ME3: variants seen among roughly 807,000 people sequenced by gnomAD.
The protein encoded by ME3 is malic enzyme 3.
In ME3, 48 loss-of-function variants were observed where a neutral mutation model predicts 68.9. The observed-to-expected ratio is 0.70, with a 90% CI of 0.55 to 0.89. The LOEUF (loss-of-function observed/expected upper bound fraction) is 0.89, where lower values mean the gene tolerates loss of function less well. Ranked by LOEUF, ME3 falls within the 40% of genes least tolerant of loss-of-function variation. The pLI is 0.00. For synonymous variants in ME3, 320 were observed against 318.8 expected (o/e 1.00, Z -0.04); for missense variants, 675 against 797.4 (o/e 0.85, Z 1.85).
intron 2 of ME3, among the ~76,000 whole-genome samples, chr11:86,612,889 G>A (rs534377613): frequency 5.1e-4 from 77 of 152,172 alleles, no homozygotes; most frequent in African/African-American, 1.8e-3. Flanking sequence ...AGTTTCTTTT[G>A]CTGTGCAGAA....
intron 13 of ME3, among the ~76,000 whole-genome samples, chr11:86,443,929 C>G (rs1949144980): frequency 1.3e-5 from 2 of 151,862 alleles, no homozygotes; most frequent in Non-Finnish European, 2.9e-5. Context: ...CACTTCATCA[C>G]TGGGCCCTCC....
At chr11:86,590,093 C>T (rs1233319986) in intron 2 of ME3, among the ~76,000 whole-genome samples, 1 of 152,170 alleles carries the variant, frequency 6.6e-6, no homozygotes, top group Non-Finnish European at 1.5e-5. Flanking sequence ...AGGACTAAAG[C>T]GTTGCCACAG....
At chr11:86,581,274 T>C (rs1419298490) in intron 2 of ME3, among the ~76,000 whole-genome samples, 6 of 152,196 alleles carry the variant, frequency 3.9e-5, no homozygotes, top group Non-Finnish European at 7.3e-5. Flanking sequence ...TGTACTAGCT[T>C]GTGGTATAAA....
intron 2 of ME3, among the ~76,000 whole-genome samples, chr11:86,625,495 T>C (rs904409166): frequency 3.9e-5 from 6 of 152,170 alleles, no homozygotes; most frequent in Non-Finnish European, 5.9e-5. Flanking sequence ...GAATATGGGC[T>C]CTGGAGTCAA....
chr11:86,523,448 A>G (rs573098715), intron 4 of ME3, among the ~76,000 whole-genome samples: 75 of 152,348 alleles, frequency 4.9e-4, no homozygotes, highest in African/African-American at 1.8e-3. Context: ...ACTAAGCCCT[A>G]TAGAAGACAG....
chr11:86,535,704 C>T (rs511884), intron 4 of ME3, among the ~76,000 whole-genome samples: 2 of 152,162 alleles, frequency 1.3e-5, no homozygotes, highest in Admixed American at 1.3e-4. Context: ...GGAATTTTTA[C>T]ACTTTTTACA....
chr11:86,523,626 G>A (rs1954498904), intron 4 of ME3, among the ~76,000 whole-genome samples: 2 of 152,102 alleles, frequency 1.3e-5, no homozygotes, highest in Admixed American at 1.3e-4. Flanking sequence ...AGAGTTGAAA[G>A]AGTTTCTCCA....
At chr11:86,511,005 T>C (rs12276356) in intron 4 of ME3, among the ~76,000 whole-genome samples, 2,727 of 152,324 alleles carry the variant, frequency 0.018, 90 homozygotes, top group African/African-American at 0.062. Flanking sequence ...GAAATCATCC[T>C]TGATGGTCTC....
At chr11:86,621,925 C>T (rs1296961360) in intron 2 of ME3, among the ~76,000 whole-genome samples, 2 of 151,844 alleles carry the variant, frequency 1.3e-5, no homozygotes, top group South Asian at 2.1e-4. Context: ...ATTTTTAGAG[C>T]TTACAGGAGC....
chr11:86,633,964 A>G (rs1944174242), intron 2 of ME3, among the ~76,000 whole-genome samples: 1 of 152,198 alleles, frequency 6.6e-6, no homozygotes, highest in African/African-American at 2.4e-5. Flanking sequence ...TTTGGAGTCC[A>G]GATAGGAGGA....
chr11:86,632,749 G>A (rs947552134), intron 2 of ME3, among the ~76,000 whole-genome samples: 3 of 152,182 alleles, frequency 2.0e-5, no homozygotes, highest in Non-Finnish European at 4.4e-5. Context: ...GTGGGCCCAG[G>A]TGCAGTGAGT....
intron 4 of ME3, among the ~76,000 whole-genome samples, chr11:86,535,094 T>G (rs1351029548): frequency 1.3e-5 from 2 of 152,176 alleles, no homozygotes; most frequent in Admixed American, 6.5e-5. Context: ...CATTTACCTA[T>G]TTATCTTAAT....
At chr11:86,586,904 C>G (rs998195117) in intron 2 of ME3, among the ~76,000 whole-genome samples, 1 of 151,982 alleles carries the variant, frequency 6.6e-6, no homozygotes, top group Admixed American at 6.5e-5. Context: ...TTGGATAGAA[C>G]TTGTGAAAAG....
At position 86,635,045 on chromosome 11, in the gene ME3, CT is replaced by C. The variant is rs1944247816; in HGVS notation, c.183+36716del. The stretch of plus-strand genomic sequence containing the variant: ...ACAGGCTAGACACGCTGGTTCACAC[CT>C]GTAATCCCAGAACTTTGGGAGGCCA... On this transcript the variant is annotated intron_variant, in intron 2 of 14. Coordinates refer to ENST00000543262, the Ensembl canonical transcript of ME3. Among the ~76,000 whole-genome samples the C allele has an allele frequency of 2.6e-5, 4 of 152,312 alleles. No individual in the cohort carries two copies. In the East Asian group the frequency reaches 7.7e-4, roughly 29 times the overall value.
At chr11:86,587,975 T>C (rs1958838982) in intron 2 of ME3, among the ~76,000 whole-genome samples, 1 of 152,256 alleles carries the variant, frequency 6.6e-6, no homozygotes, top group African/African-American at 2.4e-5. Context: ...CTCAACTTCT[T>C]AGAACCTCAA....
intron 4 of ME3, among the ~76,000 whole-genome samples, chr11:86,531,990 ACC>A (rs113349122): frequency 0.07 from 10,331 of 147,856 alleles, 491 homozygotes; most frequent in East Asian, 0.25. Context: ...AAAAAACCAA[ACC>A]AAAAAAAAAC....
chr11:86,669,530 A>G (rs1447322047), intron 2 of ME3, among the ~76,000 whole-genome samples: 1 of 152,198 alleles, frequency 6.6e-6, no homozygotes, highest in Non-Finnish European at 1.5e-5. Flanking sequence ...GAGCGCTAGC[A>G]GGGGAAATGT....
At chr11:86,523,978 C>T (rs904164715) in intron 4 of ME3, among the ~76,000 whole-genome samples, 2 of 151,964 alleles carry the variant, frequency 1.3e-5, no homozygotes, top group Non-Finnish European at 2.9e-5. Context: ...CCAAGAAACT[C>T]AGAGAGAGTT....
intron 7 of ME3, among the ~76,000 whole-genome samples, chr11:86,469,641 C>G (rs1382113817): frequency 6.6e-6 from 1 of 152,196 alleles, no homozygotes; most frequent in Non-Finnish European, 1.5e-5. Flanking sequence ...CCCTCCAGCC[C>G]TGGCAGGGGC....
Sources: allele counts gnomAD v4.1 joint callset (sites outside exome capture counted in the v4.1 genomes callset), GRCh38; gene constraint gnomAD v4.1.1; transcripts MANE v1.5; gene names NCBI Gene and HGNC (gene_info 2026-07-23, HGNC 2026-07-21).